The following TMC1 variants were observed in gnomAD, a reference collection of about 807,000 sequenced individuals.
TMC1 encodes the protein transmembrane channel-like protein 1.
A neutral mutation model predicts 105.8 loss-of-function variants in TMC1; 84 were observed. The observed-to-expected ratio is 0.79, with a 90% confidence interval of 0.67 to 0.95. The LOEUF is 0.95. Among genes scored for constraint, TMC1 ranks in the 40% least tolerant of loss-of-function variants. TMC1 has a pLI of 0.00. For synonymous variants in TMC1, 315 were observed against 311.5 expected (o/e 1.01, Z -0.12); for missense variants, 817 against 914.1 (o/e 0.89, Z 1.37).
intron 12 of TMC1, among the ~76,000 whole-genome samples, chr9:72,757,729 A>C (rs1185667219): frequency 1.3e-5 from 2 of 152,212 alleles, no homozygotes; most frequent in Non-Finnish European, 2.9e-5. Context: ...CACTTGTGGC[A>C]TCATATCGGT....
chr9:72,578,150 T>C (rs1824415936), intron 2 of TMC1, 127 bp downstream of exon 2: 1 of 152,224 alleles, frequency 6.6e-6, no homozygotes. Context: ...ATTACAGGCA[T>C]GAACCACTGC....
intron 18 of TMC1, among the ~76,000 whole-genome samples, chr9:72,814,653 C>T (rs1828753821): frequency 6.6e-6 from 1 of 152,174 alleles, no homozygotes; most frequent in Non-Finnish European, 1.5e-5. Flanking sequence ...CATACTTGCT[C>T]TTCTTTCCCT....
At chr9:72,660,543 A>T (rs1358758987) in intron 5 of TMC1, among the ~76,000 whole-genome samples, 2 of 152,200 alleles carry the variant, frequency 1.3e-5, no homozygotes, top group East Asian at 3.8e-4. Context: ...TTTTCAGAGC[A>T]TTCCAGAGTT....
intron 21 of TMC1, among the ~76,000 whole-genome samples, 199 bp downstream of exon 21, chr9:72,827,193 C>G (rs1026842232): frequency 6.6e-6 from 1 of 152,210 alleles, no homozygotes; most frequent in African/African-American, 2.4e-5. Context: ...TCACAGGCAT[C>G]TGCATCTGTC....
At chr9:72,592,366 G>A (rs1024909040) in intron 2 of TMC1, among the ~76,000 whole-genome samples, 5 of 152,302 alleles carry the variant, frequency 3.3e-5, no homozygotes, top group African/African-American at 9.6e-5. Context: ...TTAAAGCCAG[G>A]AACTTATCAA....
intron 17 of TMC1, 165 bp from the exon 18 acceptor site, chr9:72,805,217 G>A (rs1037740216): frequency 9.0e-6 from 5 of 558,068 alleles, no homozygotes; most frequent in South Asian, 8.8e-5. Flanking sequence ...TAAAGTCAGG[G>A]TGAAATATTT....
At chr9:72,561,381 ATTC>A (rs1348066625) in intron 1 of TMC1, among the ~76,000 whole-genome samples, 1 of 150,224 alleles carries the variant, frequency 6.7e-6, no homozygotes, top group Admixed American at 6.6e-5. Context: ...GATTTCTATT[ATTC>A]TTCTCTGATC....
At chr9:72,834,795 AG>A (rs1269998418) in intron 23 of TMC1, among the ~76,000 whole-genome samples, 1 of 152,128 alleles carries the variant, frequency 6.6e-6, no homozygotes, top group East Asian at 1.9e-4. Context: ...ATTTGTACCA[AG>A]TGAAGCCGAT....
At chr9:72,798,990 C>T (rs1828423115) in intron 17 of TMC1, among the ~76,000 whole-genome samples, 1 of 151,984 alleles carries the variant, frequency 6.6e-6, no homozygotes, top group Admixed American at 6.6e-5. Flanking sequence ...CAGCCCAAGA[C>T]TAGCCATACC....
At chr9:72,780,908 T>C (rs1828085717) in intron 13 of TMC1, among the ~76,000 whole-genome samples, 1 of 152,136 alleles carries the variant, frequency 6.6e-6, no homozygotes, top group Non-Finnish European at 1.5e-5. Flanking sequence ...AGACAGATTA[T>C]TGAGGCAGAA....
chr9:72,815,974 A>AAGG (rs1828781101), intron 18 of TMC1, among the ~76,000 whole-genome samples, 169 bp from the exon 19 acceptor site: 1 of 152,190 alleles, frequency 6.6e-6, no homozygotes, highest in Non-Finnish European at 1.5e-5. Flanking sequence ...TAAAAAAAAA[A>AAGG]AGGTGCTTTC....
intron 2 of TMC1, among the ~76,000 whole-genome samples, chr9:72,605,332 C>T (rs1448991581): frequency 6.6e-6 from 1 of 152,130 alleles, no homozygotes; most frequent in Non-Finnish European, 1.5e-5. Flanking sequence ...GTGGTTCTGG[C>T]TCAAAGTATC....
intron 5 of TMC1, among the ~76,000 whole-genome samples, chr9:72,686,535 T>A (rs1448664204): frequency 6.6e-6 from 1 of 152,214 alleles, no homozygotes; most frequent in African/African-American, 2.4e-5. Context: ...TCCATTAAAA[T>A]CGAGCTTGCT....
At chr9:72,786,470 AAAAC>A (rs1828170325) in intron 13 of TMC1, among the ~76,000 whole-genome samples, 2 of 152,088 alleles carry the variant, frequency 1.3e-5, no homozygotes, top group Admixed American at 6.5e-5. Context: ...AAACAAAAAC[AAAAC>A]AAACAAAAAG....
chr9:72,810,397 T>C (rs988847674), intron 18 of TMC1, among the ~76,000 whole-genome samples: 1 of 152,172 alleles, frequency 6.6e-6, no homozygotes, highest in African/African-American at 2.4e-5. Flanking sequence ...GATTTTTTTC[T>C]TCTGAATTCC....
intron 8 of TMC1, among the ~76,000 whole-genome samples, chr9:72,708,922 G>A (rs555209748): frequency 7.9e-5 from 12 of 151,844 alleles, no homozygotes; most frequent in African/African-American, 2.4e-4. Context: ...ATTGAGGTAC[G>A]TCCCTTGTAT....
At chr9:72,713,252 C>T (rs1400269023) in intron 8 of TMC1, among the ~76,000 whole-genome samples, 2 of 152,126 alleles carry the variant, frequency 1.3e-5, no homozygotes, top group African/African-American at 2.4e-5. Context: ...TGTTGTGTCT[C>T]TGCCAGGTTT....
intron 9 of TMC1, among the ~76,000 whole-genome samples, chr9:72,740,573 G>A (rs537284517): frequency 6.6e-6 from 1 of 151,878 alleles, no homozygotes; most frequent in Non-Finnish European, 1.5e-5. Flanking sequence ...TTTCTACCAG[G>A]AACATCAACT....
chr9:72,575,341 C>T (rs745387357), intron 1 of TMC1, among the ~76,000 whole-genome samples: 11 of 151,962 alleles, frequency 7.2e-5, no homozygotes, highest in Non-Finnish European at 8.8e-5. Flanking sequence ...CCACCAAGCC[C>T]GGCTAATTTT....
Sources: gnomAD v4.1 joint callset for allele counts (sites outside exome capture counted in the v4.1 genomes callset) on GRCh38, gnomAD v4.1.1 for gene constraint, MANE v1.5 for transcripts, NCBI Gene and HGNC (gene_info 2026-07-23, HGNC 2026-07-21) for gene names.